The following NRIP1 variants were observed in gnomAD, a reference collection of about 807,000 sequenced individuals.
NRIP1 encodes nuclear receptor-interacting protein 1.
A neutral mutation model predicts 75.0 loss-of-function variants in NRIP1; 28 were observed. The observed-to-expected ratio is 0.37, with a 90% CI of 0.28 to 0.51. The LOEUF (loss-of-function observed/expected upper bound fraction) is 0.51, where lower values mean the gene tolerates loss of function less well. Ranked by LOEUF, NRIP1 falls within the 20% of genes least tolerant of loss-of-function variation. The pLI, the probability that NRIP1 is intolerant of heterozygous loss-of-function variation, is 0.92. For missense variants in NRIP1, 1,435 were observed against 1,343.7 expected (o/e 1.07, Z -1.06); for synonymous variants, 526 against 487.6 (o/e 1.08, Z -1.04).
In NRIP1 at chr21:14,965,209, A is replaced by G; in HGVS notation, c.2984T>C (p.Met995Thr). 1 of 1,613,942 alleles carries G rather than the reference A, an allele frequency of 6.2e-7. No individual in the cohort carries two copies. The highest frequency in any genetic ancestry group is 8.5e-7 in the Non-Finnish European group (1 of 1,179,940). Residue 995 changes from methionine to threonine, a missense_variant, in exon 4 of 4, where the codon ATG becomes ACG. Met to Thr is a moderately conservative substitution (Grantham distance 81). Transcript: ENST00000318948. ...MYSSTQPSSC[M>T]DNRTFSYPGV... is the part of the protein sequence containing the mutation. ...TGGGTATGAAAATGTCCTGTTATCC[A>G]TGCAACTGCTGGGCTGAGTGGAACT...
Position 14,967,454 on chromosome 21 carries a change from CCAT to C in NRIP1, c.736_738del (p.Met246del). 3 of 1,613,898 alleles carry C rather than the reference CCAT, an allele frequency of 1.9e-6. No individual in the cohort carries two copies. Among genetic ancestry groups the C allele is most frequent in the Non-Finnish European group, 2.5e-6 (3 of 1,179,932 alleles). Reference sequence around the variant, plus strand: ...GTGGCAGGACTAGCCCTTTTTTCCACCATGCTTGCAACAGCCTGTAATCTTGCA... The same window carrying C: ...GTGGCAGGACTAGCCCTTTTTTCCACGCTTGCAACAGCCTGTAATCTTGCA... On this transcript the variant is annotated inframe_deletion, in exon 4 of 4. Coordinates refer to ENST00000318948, the MANE Select transcript of NRIP1 (RefSeq NM_003489.4).
chr21:15,050,764 C>A (rs979118786), intron 1 of NRIP1: 12 of 455,928 alleles, frequency 2.6e-5, no homozygotes, highest in Admixed American at 1.9e-4. Context: ...TAGGGGCCAG[C>A]CAACGCTTAG....
intron 2 of NRIP1, among the ~76,000 whole-genome samples, chr21:15,015,064 A>G (rs1234424854): frequency 6.6e-6 from 1 of 152,248 alleles, no homozygotes; most frequent in Non-Finnish European, 1.5e-5. Context: ...TCCATACAAT[A>G]TAATTTTACT....
intron 2 of NRIP1, among the ~76,000 whole-genome samples, chr21:15,028,714 T>C (rs1016360940): frequency 1.3e-5 from 2 of 152,202 alleles, no homozygotes; most frequent in African/African-American, 4.8e-5. Flanking sequence ...ACATAAAATA[T>C]CCACTCCATA....
intron 1 of NRIP1, chr21:15,050,672 A>G (rs955011626): frequency 1.3e-5 from 6 of 454,402 alleles, no homozygotes; most frequent in African/African-American, 2.0e-5. Flanking sequence ...GCAAGTACAT[A>G]TGTGTGTATT....
chr21:15,025,983 G>C (rs1023499919), intron 2 of NRIP1, among the ~76,000 whole-genome samples: 6 of 152,240 alleles, frequency 3.9e-5, no homozygotes, highest in African/African-American at 1.4e-4. Context: ...CTGGAAACTT[G>C]AATGAGCTCT....
chr21:15,007,986 C>T (rs550071301), intron 3 of NRIP1, among the ~76,000 whole-genome samples: 78 of 152,262 alleles, frequency 5.1e-4, no homozygotes, highest in Non-Finnish European at 9.1e-4. Context: ...AACTAGCAGC[C>T]ATCTTGGTAT....
At chr21:15,051,152 C>T (rs970495209) in intron 1 of NRIP1, 32 of 330,046 alleles carry the variant, frequency 9.7e-5, no homozygotes, top group African/African-American at 6.9e-4. Flanking sequence ...TCTCATGTGG[C>T]CCTGAATGGC....
intron 2 of NRIP1, among the ~76,000 whole-genome samples, chr21:15,021,257 T>A (rs1471290864): frequency 6.6e-6 from 1 of 152,164 alleles, no homozygotes; most frequent in Non-Finnish European, 1.5e-5. Flanking sequence ...CCTCAGAAAC[T>A]TAATGCTTAG....
Position 14,965,430 on chromosome 21 carries a change from A to G in NRIP1, c.2763T>C (p.Ser921=). The part of the protein sequence containing the change: ...YPAGHGSASE[S]EHRSWARESK... ...TCTCTCTGGCCCAACTCCTGTGTTCACTTTCGCTGGCTGAGCCATGACCAG... is the reference window on the plus strand; with the variant it reads ...TCTCTCTGGCCCAACTCCTGTGTTCGCTTTCGCTGGCTGAGCCATGACCAG... The change falls in exon 4 of 4, where the codon AGT becomes AGC. Residue 921 remains serine (S), a synonymous_variant. Transcript: ENST00000318948. 1 of 1,613,918 alleles carries G rather than the reference A, an allele frequency of 6.2e-7. No individual in the cohort carries two copies. Among genetic ancestry groups the G allele is most frequent in the Non-Finnish European group, 8.5e-7 (1 of 1,179,894 alleles).
chr21:15,046,671 T>A lies in NRIP1; in HGVS notation c.-537-3097A>T, dbSNP rs559639459. 4.6e-5 allele frequency among the ~76,000 whole-genome samples: 7 copies of A among 152,350 alleles called. No homozygotes were observed. In the South Asian group the frequency reaches 1.5e-3, roughly 32 times the overall value. ...GGTTTCTCCTCTCTAGCTATTAAAG[T>A]CCTAGATGGCATATTCATCCAACAG... On this transcript the variant is annotated intron_variant, in intron 1 of 3. Transcript: ENST00000318948.
intron 1 of NRIP1, among the ~76,000 whole-genome samples, chr21:15,058,748 T>C (rs2089358945): frequency 6.6e-6 from 1 of 152,206 alleles, no homozygotes; most frequent in Non-Finnish European, 1.5e-5. Flanking sequence ...AGTAACATAT[T>C]TAACATGTGC....
At chr21:14,969,158 C>T (rs2086839197) in intron 3 of NRIP1, among the ~76,000 whole-genome samples, 1 of 152,180 alleles carries the variant, frequency 6.6e-6, no homozygotes, top group South Asian at 2.1e-4. Flanking sequence ...TAATCATATT[C>T]ATAAACATTA....
intron 2 of NRIP1, among the ~76,000 whole-genome samples, chr21:15,020,663 C>G (rs533383011): frequency 1.4e-4 from 22 of 152,128 alleles, no homozygotes; most frequent in Middle Eastern, 3.4e-3. Flanking sequence ...TGAAGATATA[C>G]TATACAGCAT....
rs2086654266 is a variant in NRIP1, at chr21:14,963,940, T to C, written c.*776A>G. 1 of 152,586 alleles carries C rather than the reference T, an allele frequency of 6.6e-6. No individual in the cohort carries two copies. The highest frequency in any genetic ancestry group is 6.5e-5 in the Admixed American group (1 of 15,268). The allele number at this position is 152,586 out of a possible 1,614,324, so 9.5% of individuals were successfully genotyped here. ...AACTTTTCAGGAAACCACCTAAAGA[T>C]AAATGTTAACTTTTCTAATTCTGTA... On this transcript the variant is annotated 3_prime_UTR_variant, in exon 4 of 4. Transcript: ENST00000318948.
Position 14,967,370 on chromosome 21 carries a change from G to A in NRIP1, c.823C>T (p.His275Tyr), listed in dbSNP as rs1471886611. Residue 275 changes from histidine (H) to tyrosine (Y), a missense_variant, in exon 4 of 4, where the codon CAT becomes TAT. His to Tyr is a moderately conservative substitution (Grantham distance 83). Coordinates refer to ENST00000318948, the MANE Select transcript of NRIP1 (RefSeq NM_003489.4). ...QLALLLSSEA[H>Y]LQQYSREHAL... ...TGTTCTCGAGAATACTGCTGCAAAT[G>A]GGCTTCGCTTGACAGAAGTAATGCT... The A allele has an allele frequency of 6.2e-7, 1 of 1,614,066 alleles. No individual in the cohort carries two copies. The highest frequency in any genetic ancestry group is 8.5e-7 in the Non-Finnish European group (1 of 1,179,994).
intron 3 of NRIP1, among the ~76,000 whole-genome samples, chr21:15,006,368 G>T (rs540942779): frequency 6.6e-5 from 10 of 152,266 alleles, no homozygotes; most frequent in African/African-American, 9.6e-5. Context: ...TAATTTAGTA[G>T]CTAAAGTAGG....
intron 3 of NRIP1, chr21:14,991,251 G>A (rs1007695974): frequency 2.7e-5 from 4 of 149,934 alleles, no homozygotes; most frequent in Non-Finnish European, 5.9e-5. Flanking sequence ...CAGGACCTGG[G>A]CTCTGTGGGA....
intron 1 of NRIP1, among the ~76,000 whole-genome samples, chr21:15,044,883 G>A (rs1293878750): frequency 6.6e-6 from 1 of 152,068 alleles, no homozygotes; most frequent in Non-Finnish European, 1.5e-5. Context: ...CCAGCATGGT[G>A]CAAGGTATAC....
Sources: allele counts gnomAD v4.1 joint callset (sites outside exome capture counted in the v4.1 genomes callset), GRCh38; gene constraint gnomAD v4.1.1; transcripts MANE v1.5; gene names NCBI Gene and HGNC (gene_info 2026-07-23, HGNC 2026-07-21).